Variants in CACNA1D observed in about 807,000 individuals in gnomAD.
CACNA1D encodes the protein voltage-dependent L-type calcium channel subunit alpha-1D.
CACNA1D carries 55 observed loss-of-function variants against 257.1 expected under a neutral mutation model. The observed-to-expected ratio is 0.21, with a 90% CI of 0.17 to 0.27. The LOEUF (loss-of-function observed/expected upper bound fraction) is 0.27, where lower values mean the gene tolerates loss of function less well. Among genes scored for constraint, CACNA1D ranks in the 10% least tolerant of loss-of-function variants. CACNA1D has a pLI of 1.00. For missense variants in CACNA1D, 1,876 were observed against 2,784.0 expected (o/e 0.67, Z 7.34); for synonymous variants, 980 against 1,014.9 (o/e 0.97, Z 0.65).
chr3:53,776,884 G>A lies in CACNA1D; in HGVS notation c.4515G>A (p.Val1505=), dbSNP rs1321726799. 1.9e-6 allele frequency: 3 copies of A among 1,613,992 alleles called. No homozygotes were observed. The Admixed American group carries it at 5.0e-5, about 27-fold the overall frequency. The change falls in exon 37 of 48, where the codon GTG becomes GTA. Residue 1505 remains valine, a synonymous_variant. Transcript: ENST00000350061. ...EAKGRIKHLD[V]VTLLRRIQPP... ...GGGGAAGGATAAAACACCTTGATGT[G>A]GTCACTCTGCTTCGACGCATCCAGC... is the stretch of plus-strand genomic sequence containing the variant.
In CACNA1D at chr3:53,510,038, G is replaced by A. The variant is rs75154765; in HGVS notation, c.483+8318G>A. On this transcript the variant is annotated intron_variant, in intron 3 of 47. Transcript: ENST00000350061. ...TTGTGAAGGAAAACCTACAGTGTGG[G>A]GTTGGAAAACAGCCAGATTTGTTTT... 4.3e-3 allele frequency among the ~76,000 whole-genome samples: 660 copies of A among 152,200 alleles called. 4 individuals are homozygous for A. The highest frequency in any genetic ancestry group is 0.015 in the African/African-American group (634 of 41,508).
At chr3:53,791,144 C>T in intron 40 of CACNA1D, 1 of 660,982 alleles carries the variant, frequency 1.5e-6, no homozygotes, top group South Asian at 1.7e-5. Flanking sequence ...AGACCCAAGG[C>T]CCCAGGGAGA....
intron 3 of CACNA1D, among the ~76,000 whole-genome samples, chr3:53,558,099 G>A (rs1008283038): frequency 5.9e-5 from 9 of 151,996 alleles, no homozygotes; most frequent in South Asian, 2.1e-4. Context: ...ACAATCTCAC[G>A]TTCTTCATAT....
intron 8 of CACNA1D, among the ~76,000 whole-genome samples, chr3:53,686,801 A>G (rs1268620477): frequency 6.6e-6 from 1 of 152,082 alleles, no homozygotes; most frequent in East Asian, 1.9e-4. Context: ...GAAAGTCTGA[A>G]GGTAAGACAA....
intron 3 of CACNA1D, among the ~76,000 whole-genome samples, chr3:53,515,412 C>T (rs1559776662): frequency 6.6e-6 from 1 of 152,190 alleles, no homozygotes; most frequent in Non-Finnish European, 1.5e-5. Flanking sequence ...CTAACACCTG[C>T]GTGGTCAGGG....
intron 21 of CACNA1D, among the ~76,000 whole-genome samples, chr3:53,742,548 G>C (rs888747441): frequency 6.6e-6 from 1 of 152,194 alleles, no homozygotes; most frequent in African/African-American, 2.4e-5. Context: ...GAAAAGTGAT[G>C]TAGGTCCATA....
At chr3:53,568,167 C>T (rs182209105) in intron 3 of CACNA1D, among the ~76,000 whole-genome samples, 24 of 152,104 alleles carry the variant, frequency 1.6e-4, no homozygotes, top group Non-Finnish European at 5.9e-5. Context: ...TTGGTAAGAC[C>T]TCAGACTTGC....
intron 9 of CACNA1D, among the ~76,000 whole-genome samples, chr3:53,703,069 T>C (rs2094643759): frequency 6.6e-6 from 1 of 152,246 alleles, no homozygotes. Flanking sequence ...GGACCCACTG[T>C]TGGCCTGGGA....
At chr3:53,601,895 G>A (rs973607643) in intron 3 of CACNA1D, among the ~76,000 whole-genome samples, 2 of 152,086 alleles carry the variant, frequency 1.3e-5, no homozygotes, top group African/African-American at 2.4e-5. Context: ...ATTTTTAGTA[G>A]GGACGGGGTT....
At chr3:53,570,819 C>T (rs534023608) in intron 3 of CACNA1D, among the ~76,000 whole-genome samples, 1 of 152,272 alleles carries the variant, frequency 6.6e-6, no homozygotes, top group Admixed American at 6.5e-5. Flanking sequence ...TTTCAAAGAA[C>T]GAGTCATTAG....
intron 8 of CACNA1D, among the ~76,000 whole-genome samples, chr3:53,694,105 C>G (rs1044920742): frequency 3.3e-5 from 5 of 152,184 alleles, no homozygotes; most frequent in African/African-American, 1.2e-4. Context: ...CGTGCTGTCT[C>G]CAGTAGTGTT....
At chr3:53,505,008 C>G (rs34821065) in intron 3 of CACNA1D, among the ~76,000 whole-genome samples, 2 of 152,020 alleles carry the variant, frequency 1.3e-5, no homozygotes, top group Admixed American at 6.5e-5. Flanking sequence ...TAAGCCATCT[C>G]TGAACCAGCA....
At chr3:53,698,295 C>T (rs758893407) in intron 8 of CACNA1D, among the ~76,000 whole-genome samples, 40 of 152,212 alleles carry the variant, frequency 2.6e-4, no homozygotes, top group Non-Finnish European at 5.0e-4. Flanking sequence ...AGCATTAGCA[C>T]ATGTACTCAC....
At chr3:53,578,505 G>C (rs921465042) in intron 3 of CACNA1D, among the ~76,000 whole-genome samples, 2 of 152,182 alleles carry the variant, frequency 1.3e-5, no homozygotes, top group Admixed American at 1.3e-4. Context: ...AGTCTTTAAG[G>C]GGTCGAGTGA....
intron 8 of CACNA1D, among the ~76,000 whole-genome samples, chr3:53,686,053 C>A (rs2094471086): frequency 6.6e-6 from 1 of 151,892 alleles, no homozygotes; most frequent in African/African-American, 2.4e-5. Flanking sequence ...AGAGGAGATA[C>A]CACAGATATT....
intron 3 of CACNA1D, among the ~76,000 whole-genome samples, chr3:53,635,840 C>G (rs1313536145): frequency 6.6e-6 from 1 of 152,212 alleles, no homozygotes; most frequent in East Asian, 1.9e-4. Flanking sequence ...GTAGAGATCG[C>G]TGCCTCCCAA....
chr3:53,561,088 C>T (rs2092730007), intron 3 of CACNA1D, among the ~76,000 whole-genome samples: 1 of 152,168 alleles, frequency 6.6e-6, no homozygotes, highest in African/African-American at 2.4e-5. Flanking sequence ...CTTTCATCTT[C>T]ATTTTATGGA....
chr3:53,691,624 A>G (rs1266627417), intron 8 of CACNA1D, among the ~76,000 whole-genome samples: 3 of 144,354 alleles, frequency 2.1e-5, no homozygotes, highest in Non-Finnish European at 4.5e-5. Flanking sequence ...TTTCATACTC[A>G]GATGCCTGAA....
Position 53,733,981 on chromosome 3 carries a change from T to TATATAC in CACNA1D, c.2621+1037_2621+1042dup, listed in dbSNP as rs202203807. On this transcript the variant is annotated intron_variant, in intron 19 of 47. Coordinates refer to ENST00000350061, the MANE Select transcript of CACNA1D (RefSeq NM_001128840.3). ...GTATGTATGTATGTATATGTATATA[T>TATATAC]ATATACATATACATATACATATATA... 5.9e-4 allele frequency among the ~76,000 whole-genome samples: 83 copies of TATATAC among 140,422 alleles called. 1 individual carries two copies. The highest frequency in any genetic ancestry group is 8.2e-4 in the Non-Finnish European group (54 of 66,084). 92.1% of individuals were successfully genotyped at this position (140,422 alleles called of 152,430 possible). A position where few individuals can be genotyped will look rare whatever the true frequency, so the allele number is the denominator to read the frequency against.
Sources: allele counts gnomAD v4.1 joint callset (sites outside exome capture counted in the v4.1 genomes callset), GRCh38; gene constraint gnomAD v4.1.1; transcripts MANE v1.5; gene names NCBI Gene and HGNC (gene_info 2026-07-23, HGNC 2026-07-21).